The following KCMF1 variants were observed in gnomAD, a reference collection of about 807,000 sequenced individuals.
The protein encoded by KCMF1 is potassium channel modulatory factor 1, also known as E3 ubiquitin-protein ligase KCMF1.
A neutral mutation model predicts 41.1 loss-of-function variants in KCMF1; 3 were observed. The observed-to-expected ratio is 0.07, with a 90% CI of 0.03 to 0.19. KCMF1 has a LOEUF of 0.19. KCMF1 is among the 10% of genes least tolerant of loss of function. The pLI, the probability that KCMF1 is intolerant of heterozygous loss-of-function variation, is 1.00. For synonymous variants in KCMF1, 142 were observed against 164.5 expected, an observed-to-expected ratio of 0.86 and a Z score of 1.04; for missense variants, 286 against 488.9, an observed-to-expected ratio of 0.58 and a Z score of 3.91.
chr2:84,982,701 C>G (rs1407501251), intron 1 of KCMF1, among the ~76,000 whole-genome samples: 1 of 152,070 alleles, frequency 6.6e-6, no homozygotes, highest in Non-Finnish European at 1.5e-5. Flanking sequence ...CCCGGCCCTT[C>G]TTTTCTATGA....
At chr2:85,005,271 AT>A (rs371305965) in intron 1 of KCMF1, among the ~76,000 whole-genome samples, 1 of 149,680 alleles carries the variant, frequency 6.7e-6, no homozygotes, top group African/African-American at 2.5e-5. Context: ...ACATGGTGAT[AT>A]TTTGCTTTTT....
intron 1 of KCMF1, among the ~76,000 whole-genome samples, chr2:85,010,677 G>A (rs552083447): frequency 8.5e-5 from 13 of 152,104 alleles, no homozygotes; most frequent in African/African-American, 1.9e-4. Context: ...CTACCATATT[G>A]GACAGCATAC....
intron 3 of KCMF1, 141 bp downstream of exon 3, chr2:85,035,296 CA>C (rs1675381603): frequency 1.2e-6 from 1 of 825,190 alleles, no homozygotes; most frequent in African/African-American, 1.7e-5. Context: ...CATCTTTTAA[CA>C]GCAAATTTTA....
chr2:84,980,665 C>T (rs1347229357), intron 1 of KCMF1, among the ~76,000 whole-genome samples: 6 of 151,104 alleles, frequency 4.0e-5, no homozygotes, highest in Admixed American at 6.6e-5. Flanking sequence ...GTCTTGAGGC[C>T]GGGTCTCACT....
chr2:84,987,161 A>G lies in KCMF1; in HGVS notation c.16+15694A>G, dbSNP rs939980438. Among the ~76,000 whole-genome samples the G allele has an allele frequency of 4.6e-5, 7 of 152,358 alleles. No homozygotes were observed. In the South Asian group the frequency reaches 6.2e-4, roughly 14 times the overall value. On this transcript the variant is annotated intron_variant, in intron 1 of 6. Transcript: ENST00000409785. ...TAAGAAATGAAGGTGGGAGCAAGGTAGATAAGTGAAGGATTTTGATTGTCA... is the reference window on the plus strand; with the variant it reads ...TAAGAAATGAAGGTGGGAGCAAGGTGGATAAGTGAAGGATTTTGATTGTCA...
chr2:85,050,936 C>A (rs1484881580), intron 6 of KCMF1, among the ~76,000 whole-genome samples: 1 of 152,206 alleles, frequency 6.6e-6, no homozygotes, highest in East Asian at 1.9e-4. Context: ...GGACCTCAGG[C>A]AAGTCATTTC....
intron 1 of KCMF1, among the ~76,000 whole-genome samples, chr2:84,981,037 C>T (rs1216858284): frequency 6.6e-6 from 1 of 150,758 alleles, no homozygotes; most frequent in Non-Finnish European, 1.5e-5. Context: ...AGATGGATCC[C>T]TGTAACTTAA....
At chr2:85,033,120 C>G (rs1448769727) in intron 2 of KCMF1, among the ~76,000 whole-genome samples, 1 of 152,124 alleles carries the variant, frequency 6.6e-6, no homozygotes, top group African/African-American at 2.4e-5. Context: ...CCAAATTCAC[C>G]TAACAAGTCT....
chr2:84,998,137 G>C (rs1295487568), intron 1 of KCMF1, among the ~76,000 whole-genome samples: 2 of 151,822 alleles, frequency 1.3e-5, no homozygotes, highest in Non-Finnish European at 2.9e-5. Flanking sequence ...TGTTGCCCAA[G>C]CTGGAGTGCA....
At chr2:85,001,711 G>C (rs1674333043) in intron 1 of KCMF1, among the ~76,000 whole-genome samples, 1 of 152,154 alleles carries the variant, frequency 6.6e-6, no homozygotes, top group African/African-American at 2.4e-5. Context: ...AGTTGAGAGT[G>C]ATAGTGACTA....
chr2:85,032,005 T>C (rs1476930177), intron 2 of KCMF1, among the ~76,000 whole-genome samples: 1 of 152,184 alleles, frequency 6.6e-6, no homozygotes, highest in Non-Finnish European at 1.5e-5. Context: ...CCAAAAGCGC[T>C]GGGATTATAG....
rs1255930397 is a variant in KCMF1 at position 85,053,922 on chromosome 2, GAAT to G, written c.*517_*519del. On this transcript the variant is annotated 3_prime_UTR_variant, in exon 7 of 7. Transcript: ENST00000409785. ...ATGGTTACACGACGAAGTAGCTTTT[GAAT>G]AATGTCTGCCTGAATCACCTTTCTT... The G allele has an allele frequency of 6.6e-6, 1 of 152,508 alleles. No individual in the cohort carries two copies. The highest frequency in any genetic ancestry group is 2.4e-5 in the African/African-American group (1 of 41,434). The allele number at this position is 152,508 out of a possible 1,614,324, so 9.4% of individuals were successfully genotyped here.
intron 1 of KCMF1, among the ~76,000 whole-genome samples, chr2:84,997,168 T>G (rs1674197299): frequency 6.6e-6 from 1 of 152,202 alleles, no homozygotes; most frequent in Admixed American, 6.5e-5. Context: ...AGAACAGGTT[T>G]GCAACTTAGT....
intron 1 of KCMF1, among the ~76,000 whole-genome samples, chr2:85,012,176 A>G (rs1371488579): frequency 6.6e-6 from 1 of 152,230 alleles, no homozygotes; most frequent in Non-Finnish European, 1.5e-5. Context: ...CGAGGAAAGC[A>G]AAGATCAGGT....
intron 1 of KCMF1, among the ~76,000 whole-genome samples, chr2:84,986,867 G>T (rs1489862681): frequency 6.6e-6 from 1 of 152,148 alleles, no homozygotes; most frequent in Non-Finnish European, 1.5e-5. Flanking sequence ...GGGCGACACA[G>T]TGAGACTCCG....
intron 1 of KCMF1, among the ~76,000 whole-genome samples, chr2:84,973,559 C>T (rs973741852): frequency 2.6e-5 from 4 of 152,086 alleles, no homozygotes; most frequent in Admixed American, 6.6e-5. Context: ...GTACAATATT[C>T]GACAAGTGAT....
intron 1 of KCMF1, among the ~76,000 whole-genome samples, chr2:85,008,301 A>AT (rs1352108175): frequency 2.1e-5 from 2 of 97,310 alleles, no homozygotes; most frequent in African/African-American, 1.0e-4. Flanking sequence ...TATATATAAT[A>AT]TATAATATGA....
At chr2:85,023,587 C>T (rs1675009830) in intron 1 of KCMF1, among the ~76,000 whole-genome samples, 1 of 152,148 alleles carries the variant, frequency 6.6e-6, no homozygotes, top group Non-Finnish European at 1.5e-5. Flanking sequence ...TCCCAAAGTG[C>T]TGGGATTACA....
At chr2:85,008,298 A>ATAATATG (rs1558573393) in intron 1 of KCMF1, among the ~76,000 whole-genome samples, 1 of 77,936 alleles carries the variant, frequency 1.3e-5, no homozygotes, top group Non-Finnish European at 2.3e-5. Context: ...TAATATATAT[A>ATAATATG]ATATATAATA....
Sources: allele counts gnomAD v4.1 joint callset (sites outside exome capture counted in the v4.1 genomes callset), GRCh38; gene constraint gnomAD v4.1.1; transcripts MANE v1.5; gene names NCBI Gene and HGNC (gene_info 2026-07-23, HGNC 2026-07-21).